Variants in CAMKMT observed in about 807,000 individuals in gnomAD.
The protein encoded by CAMKMT is CaM KMT.
In CAMKMT, 53 loss-of-function variants were observed where a neutral mutation model predicts 48.0. The ratio of observed to expected loss-of-function variants is 1.10; its 90% CI spans 0.89 to 1.39. The LOEUF is 1.39. Ranked by LOEUF, CAMKMT falls within the 40% of genes most tolerant of loss-of-function variation. The probability of loss-of-function intolerance (pLI) is 0.00; values close to 1 mark genes in which losing one functional copy is unlikely to be tolerated. For synonymous variants in CAMKMT, 165 were observed against 152.3 expected (o/e 1.08, Z -0.61); for missense variants, 428 against 402.7 (o/e 1.06, Z -0.54).
chr2:44,641,935 A>G (rs900106835), intron 3 of CAMKMT, among the ~76,000 whole-genome samples: 2 of 152,130 alleles, frequency 1.3e-5, no homozygotes, highest in South Asian at 2.1e-4. Context: ...AATATTAACT[A>G]TCACATTTCC....
chr2:44,727,786 A>G (rs6544768), intron 7 of CAMKMT, among the ~76,000 whole-genome samples: 48,525 of 152,036 alleles, frequency 0.32, 8,331 homozygotes, highest in East Asian at 0.59. Flanking sequence ...TGTTCCTTCT[A>G]TGCTTAGTCT....
At chr2:44,699,233 A>T (rs113830308) in intron 3 of CAMKMT, among the ~76,000 whole-genome samples, 18 of 152,336 alleles carry the variant, frequency 1.2e-4, no homozygotes, top group African/African-American at 4.3e-4. Flanking sequence ...CTTTGCTCAG[A>T]TGCATCAGAA....
In CAMKMT at chr2:44,743,615, C is replaced by T. The variant is rs997296363; in HGVS notation, c.624-7C>T. ...TGTATAATTTTTAAAATCTTTTTCT[C>T]CTCAAGCGTTTTACGATGGGATAAT... On this transcript the variant is annotated splice_polypyrimidine_tract_variant and splice_region_variant and intron_variant, in intron 7 of 10. Coordinates refer to ENST00000378494, the MANE Select transcript of CAMKMT (RefSeq NM_024766.5). The T allele has an allele frequency of 4.4e-6, 7 of 1,605,624 alleles. No homozygotes were observed. In the African/African-American group the frequency reaches 6.7e-5, roughly 15 times the overall value.
intron 3 of CAMKMT, among the ~76,000 whole-genome samples, chr2:44,579,446 G>T (rs1395419540): frequency 1.3e-5 from 2 of 152,158 alleles, no homozygotes; most frequent in Non-Finnish European, 2.9e-5. Flanking sequence ...GAATAAAAAT[G>T]AACCCCATCT....
chr2:44,497,152 G>A (rs543723567), intron 3 of CAMKMT, among the ~76,000 whole-genome samples: 71 of 152,216 alleles, frequency 4.7e-4, no homozygotes, highest in African/African-American at 1.6e-3. Flanking sequence ...AACTGATTTC[G>A]TACATCTGCA....
At chr2:44,745,979 G>A (rs1679900745) in intron 8 of CAMKMT, among the ~76,000 whole-genome samples, 2 of 152,146 alleles carry the variant, frequency 1.3e-5, no homozygotes, top group Admixed American at 1.3e-4. Context: ...GGCAAACCGT[G>A]CTACATATTT....
intron 7 of CAMKMT, among the ~76,000 whole-genome samples, chr2:44,733,901 T>C (rs998503799): frequency 6.6e-6 from 1 of 152,180 alleles, no homozygotes; most frequent in Non-Finnish European, 1.5e-5. Flanking sequence ...ATTTATGGAC[T>C]CTGTATTGAT....
At chr2:44,433,094 G>A (rs1206792260) in intron 3 of CAMKMT, among the ~76,000 whole-genome samples, 1 of 152,060 alleles carries the variant, frequency 6.6e-6, no homozygotes, top group African/African-American at 2.4e-5. Flanking sequence ...TCATTTTCTT[G>A]TGTAGTTATG....
chr2:44,627,801 G>T (rs1324890173), intron 3 of CAMKMT, among the ~76,000 whole-genome samples: 3 of 132,920 alleles, frequency 2.3e-5, no homozygotes, highest in South Asian at 2.6e-4. Flanking sequence ...CCGGATTCAA[G>T]CGATTCTCAT....
At chr2:44,447,329 A>T (rs1667056541) in intron 3 of CAMKMT, among the ~76,000 whole-genome samples, 1 of 152,228 alleles carries the variant, frequency 6.6e-6, no homozygotes, top group South Asian at 2.1e-4. Flanking sequence ...TAATTCTGTT[A>T]TAATATCCCT....
intron 3 of CAMKMT, among the ~76,000 whole-genome samples, chr2:44,660,712 A>G (rs1206234058): frequency 6.6e-6 from 1 of 152,038 alleles, no homozygotes; most frequent in Non-Finnish European, 1.5e-5. Flanking sequence ...AGCTCAGGTG[A>G]TCCTCTCACC....
At chr2:44,468,880 TGTA>T (rs1172521202) in intron 3 of CAMKMT, among the ~76,000 whole-genome samples, 5 of 152,114 alleles carry the variant, frequency 3.3e-5, no homozygotes, top group African/African-American at 1.2e-4. Flanking sequence ...ATTGCTCCAT[TGTA>T]CTACAGCCTG....
intron 2 of CAMKMT, 53 bp from the exon 3 acceptor site, chr2:44,390,188 T>A: frequency 7.0e-7 from 1 of 1,433,546 alleles, no homozygotes; most frequent in South Asian, 1.2e-5. Flanking sequence ...TTTTGAATAC[T>A]AAAAATGTTA....
intron 3 of CAMKMT, among the ~76,000 whole-genome samples, chr2:44,409,089 A>C (rs1450831755): frequency 2.5e-3 from 2 of 806 alleles, no homozygotes; most frequent in Admixed American, 0.012. Context: ...CGATATATAT[A>C]TATATATATA....
In CAMKMT at chr2:44,523,597, G is replaced by A. The variant is rs557774286; in HGVS notation, c.376+133292G>A. Among the ~76,000 whole-genome samples, 17 of 151,698 alleles carry A rather than the reference G, an allele frequency of 1.1e-4. No individual in the cohort carries two copies. In the South Asian group the frequency reaches 3.3e-3, roughly 30 times the overall value. On this transcript the variant is annotated intron_variant, in intron 3 of 10. Transcript: ENST00000378494. ...GGCATGAGTCACCACACCTGTCCAA[G>A]GGGACCCACTTATAAGATGATTTCT...
intron 3 of CAMKMT, among the ~76,000 whole-genome samples, chr2:44,596,719 T>C (rs534394910): frequency 6.6e-6 from 1 of 151,810 alleles, no homozygotes; most frequent in African/African-American, 2.4e-5. Context: ...TGAATTGTGC[T>C]TGCATCATCA....
intron 3 of CAMKMT, chr2:44,392,084 G>A (rs1267768229): frequency 1.3e-5 from 2 of 152,252 alleles, no homozygotes; most frequent in African/African-American, 4.8e-5. Flanking sequence ...CTGGCGATGA[G>A]TACCTATATA....
chr2:44,417,312 T>C (rs1056685484), intron 3 of CAMKMT, among the ~76,000 whole-genome samples: 1 of 152,030 alleles, frequency 6.6e-6, no homozygotes, highest in African/African-American at 2.4e-5. Flanking sequence ...GGAGAATTGC[T>C]TGAATCCGGG....
chr2:44,466,404 T>G (rs907769289), intron 3 of CAMKMT, among the ~76,000 whole-genome samples: 10 of 152,168 alleles, frequency 6.6e-5, no homozygotes, highest in African/African-American at 1.9e-4. Context: ...ATGTGGTGAT[T>G]AATCAACACA....
Sources: allele counts gnomAD v4.1 joint callset (sites outside exome capture counted in the v4.1 genomes callset), GRCh38; gene constraint gnomAD v4.1.1; transcripts MANE v1.5; gene names NCBI Gene and HGNC (gene_info 2026-07-23, HGNC 2026-07-21).